Variants in EYS observed in about 807,000 individuals in gnomAD.
The protein encoded by EYS is EGF-like photoreceptor maintenance factor, also known as protein eyes shut homolog.
EYS carries 250 observed loss-of-function variants against 282.1 expected under a neutral mutation model. The ratio of observed to expected loss-of-function variants is 0.89; its 90% confidence interval spans 0.80 to 0.98. The LOEUF (loss-of-function observed/expected upper bound fraction) is 0.98. Among genes scored for constraint, EYS ranks in the 50% least tolerant of loss-of-function variants. The probability of loss-of-function intolerance (pLI) is 0.00; values close to 1 mark genes in which losing one functional copy is unlikely to be tolerated. For synonymous variants in EYS, 1,355 were observed against 1,282.9 expected (o/e 1.06, Z -1.20); for missense variants, 4,016 against 3,709.0 (o/e 1.08, Z -2.15).
chr6:64,321,770 G>A (rs1561928694), intron 29 of EYS, among the ~76,000 whole-genome samples: 1 of 151,792 alleles, frequency 6.6e-6, no homozygotes, highest in Non-Finnish European at 1.5e-5. Flanking sequence ...TATAGACTAA[G>A]AAAAAATTGG....
At chr6:63,836,684 AT>A (rs1554179680) in intron 36 of EYS, among the ~76,000 whole-genome samples, 1 of 151,932 alleles carries the variant, frequency 6.6e-6, no homozygotes, top group Non-Finnish European at 1.5e-5. Context: ...ATTAAAAAAA[AT>A]TTTTTGGCAT....
chr6:65,054,668 G>A (rs1773363367), intron 13 of EYS, among the ~76,000 whole-genome samples: 1 of 151,844 alleles, frequency 6.6e-6, no homozygotes, highest in Non-Finnish European at 1.5e-5. Context: ...TATGTGATGT[G>A]ATTTCCAGAA....
intron 14 of EYS, among the ~76,000 whole-genome samples, chr6:64,981,413 AC>A (rs1238638304): frequency 6.6e-6 from 1 of 151,272 alleles, no homozygotes; most frequent in Non-Finnish European, 1.5e-5. Flanking sequence ...TTCTTTCTGA[AC>A]AAATTCACTT....
At chr6:65,707,008 G>A (rs1561914992) in intron 1 of EYS, 127 bp downstream of exon 1, 2 of 152,104 alleles carry the variant, frequency 1.3e-5, no homozygotes, top group Non-Finnish European at 2.9e-5. Context: ...TATATAATAA[G>A]TAAAAATAAC....
intron 12 of EYS, among the ~76,000 whole-genome samples, chr6:65,147,858 G>T (rs951817924): frequency 6.6e-6 from 1 of 152,022 alleles, no homozygotes; most frequent in Non-Finnish European, 1.5e-5. Flanking sequence ...AAACAAAAAC[G>T]GCCTTCCTTA....
intron 5 of EYS, among the ~76,000 whole-genome samples, chr6:65,411,596 C>G (rs1168236771): frequency 6.6e-6 from 1 of 151,954 alleles, no homozygotes; most frequent in Non-Finnish European, 1.5e-5. Context: ...ACAAAGATCT[C>G]TCTCATGCTA....
At chr6:65,381,577 A>G (rs1381296056) in intron 8 of EYS, among the ~76,000 whole-genome samples, 1 of 152,066 alleles carries the variant, frequency 6.6e-6, no homozygotes, top group African/African-American at 2.4e-5. Flanking sequence ...TAGTACATGT[A>G]TACCAATGTA....
At chr6:64,568,601 G>A (rs1582903876) in intron 26 of EYS, among the ~76,000 whole-genome samples, 1 of 152,108 alleles carries the variant, frequency 6.6e-6, no homozygotes, top group African/African-American at 2.4e-5. Flanking sequence ...AGAGAGAAGC[G>A]GATCTCCCAG....
chr6:63,962,952 C>A (rs1306214244), intron 35 of EYS, among the ~76,000 whole-genome samples: 2 of 152,074 alleles, frequency 1.3e-5, no homozygotes, highest in Non-Finnish European at 2.9e-5. Context: ...AGTTCATGTC[C>A]TTTGTAGGGA....
intron 22 of EYS, among the ~76,000 whole-genome samples, chr6:64,747,102 C>T (rs1772579615): frequency 6.6e-6 from 1 of 152,152 alleles, no homozygotes; most frequent in Admixed American, 6.5e-5. Context: ...GAGTAACATA[C>T]TTTTAAGTTA....
intron 29 of EYS, among the ~76,000 whole-genome samples, chr6:64,353,282 C>A (rs1582641772): frequency 6.6e-6 from 1 of 151,468 alleles, no homozygotes; most frequent in South Asian, 2.1e-4. Flanking sequence ...GACTTTGAGT[C>A]CAAATGCACT....
At chr6:65,625,677 TAA>T (rs1473276584) in intron 2 of EYS, among the ~76,000 whole-genome samples, 2 of 152,220 alleles carry the variant, frequency 1.3e-5, no homozygotes, top group African/African-American at 2.4e-5. Context: ...GAGTTTGAGT[TAA>T]GTTTCTGAAA....
At chr6:65,636,283 A>G (rs896510563) in intron 2 of EYS, among the ~76,000 whole-genome samples, 6 of 152,120 alleles carry the variant, frequency 3.9e-5, no homozygotes, top group Non-Finnish European at 7.4e-5. Context: ...AGTCAGTCCC[A>G]CTTCCTCCCC....
At chr6:65,007,866 T>C (rs1474376488) in intron 13 of EYS, among the ~76,000 whole-genome samples, 1 of 152,230 alleles carries the variant, frequency 6.6e-6, no homozygotes, top group African/African-American at 2.4e-5. Context: ...ATATTGATGT[T>C]TTACAAGAGT....
intron 22 of EYS, among the ~76,000 whole-genome samples, chr6:64,726,072 A>G (rs896874278): frequency 6.6e-6 from 1 of 152,062 alleles, no homozygotes; most frequent in Non-Finnish European, 1.5e-5. Flanking sequence ...AATATCCAAG[A>G]CTTTTGTCTC....
intron 12 of EYS, among the ~76,000 whole-genome samples, chr6:65,266,157 C>T (rs1294853407): frequency 2.0e-5 from 3 of 151,852 alleles, no homozygotes; most frequent in African/African-American, 7.2e-5. Context: ...GATAATCCTT[C>T]AGATAATTGG....
chr6:64,544,449 A>G (rs1764785967), intron 26 of EYS, among the ~76,000 whole-genome samples: 2 of 152,194 alleles, frequency 1.3e-5, no homozygotes, highest in African/African-American at 2.4e-5. Context: ...TAGCACTCCT[A>G]GACTGGAGAG....
chr6:65,343,393 A>C (rs1770270743), intron 10 of EYS, among the ~76,000 whole-genome samples: 1 of 151,346 alleles, frequency 6.6e-6, no homozygotes, highest in Non-Finnish European at 1.5e-5. Flanking sequence ...TTTTGGGAAA[A>C]TTCTTGAATC....
In EYS at chr6:64,197,514, C is replaced by T. The variant is rs912611839; in HGVS notation, c.6424+33078G>A. 5.3e-5 allele frequency among the ~76,000 whole-genome samples: 8 copies of T among 152,294 alleles called. No individual in the cohort carries two copies. In the East Asian group the frequency reaches 1.5e-3, roughly 29 times the overall value. On this transcript the variant is annotated intron_variant, in intron 31 of 42. Coordinates refer to ENST00000503581, the MANE Select transcript of EYS (RefSeq NM_001142800.2). ...TTATCTCTTTGAATTCTTAAGTTCA[C>T]TTAGCTTTTGGCTTCTGTGTATGTT...
Sources: allele counts gnomAD v4.1 joint callset (sites outside exome capture counted in the v4.1 genomes callset), GRCh38; gene constraint gnomAD v4.1.1; transcripts MANE v1.5; gene names NCBI Gene and HGNC (gene_info 2026-07-23, HGNC 2026-07-21).